The following SH3GL2 variants were observed in gnomAD, a reference collection of about 807,000 sequenced individuals.
The protein encoded by SH3GL2 is endophilin-A1.
In SH3GL2, 24 loss-of-function variants were observed where a neutral mutation model predicts 46.0. The observed-to-expected ratio is 0.52, with a 90% CI of 0.38 to 0.73. The LOEUF is 0.73. Ranked by LOEUF, SH3GL2 falls within the 30% of genes least tolerant of loss-of-function variation. The pLI, the probability that SH3GL2 is intolerant of heterozygous loss-of-function variation, is 0.00. For synonymous variants in SH3GL2, 196 were observed against 147.1 expected (o/e 1.33, Z -2.40); for missense variants, 413 against 424.2 (o/e 0.97, Z 0.23).
At chr9:17,610,833 G>C (rs549295493) in intron 1 of SH3GL2, among the ~76,000 whole-genome samples, 2 of 152,230 alleles carry the variant, frequency 1.3e-5, no homozygotes, top group South Asian at 2.1e-4. Flanking sequence ...CAAAATGAGA[G>C]TTGTCTTATG....
intron 1 of SH3GL2, among the ~76,000 whole-genome samples, chr9:17,738,047 A>G (rs1490788431): frequency 6.6e-6 from 1 of 152,102 alleles, no homozygotes; most frequent in Non-Finnish European, 1.5e-5. Context: ...ATGTATGTAC[A>G]CCATTGTATT....
chr9:17,738,666 A>G lies in SH3GL2; in HGVS notation c.46-8400A>G, dbSNP rs892582971. Among the ~76,000 whole-genome samples, 4 of 148,954 alleles carry G rather than the reference A, an allele frequency of 2.7e-5. No homozygotes were observed. In the East Asian group the frequency reaches 5.9e-4, roughly 22 times the overall value. On this transcript the variant is annotated intron_variant, in intron 1 of 8. Transcript: ENST00000380607. ...TAGAGAGAGAGAGAGAGAGAGAGAG[A>G]GAGAGAGATAATTTTATTTCAAGGA...
At chr9:17,675,012 G>A (rs189109444) in intron 1 of SH3GL2, among the ~76,000 whole-genome samples, 1 of 152,298 alleles carries the variant, frequency 6.6e-6, no homozygotes, top group African/African-American at 2.4e-5. Flanking sequence ...TGTGCATACA[G>A]GGATGGGAGG....
intron 1 of SH3GL2, among the ~76,000 whole-genome samples, chr9:17,593,371 T>C (rs1219428924): frequency 5.9e-5 from 9 of 152,080 alleles, no homozygotes; most frequent in Non-Finnish European, 1.5e-5. Flanking sequence ...CAGAATTGAA[T>C]TGAATTAGAG....
At chr9:17,759,526 C>G (rs1161357299) in intron 2 of SH3GL2, among the ~76,000 whole-genome samples, 2 of 152,154 alleles carry the variant, frequency 1.3e-5, no homozygotes, top group East Asian at 3.9e-4. Context: ...CACACTGGAA[C>G]TAGAACTGGG....
intron 1 of SH3GL2, among the ~76,000 whole-genome samples, chr9:17,653,379 A>G (rs533749802): frequency 1.3e-5 from 2 of 152,182 alleles, no homozygotes; most frequent in South Asian, 2.1e-4. Flanking sequence ...TGAGATTCCT[A>G]ATACTTCTAG....
intron 1 of SH3GL2, among the ~76,000 whole-genome samples, chr9:17,579,709 C>T (rs1206057534): frequency 1.3e-5 from 2 of 152,172 alleles, no homozygotes; most frequent in Non-Finnish European, 2.9e-5. Flanking sequence ...GATGTGTTGG[C>T]ATGAGCGGTG....
intron 1 of SH3GL2, among the ~76,000 whole-genome samples, chr9:17,596,067 C>T (rs1210570208): frequency 2.6e-5 from 4 of 152,048 alleles, no homozygotes; most frequent in Admixed American, 6.6e-5. Flanking sequence ...AACAAGGAAT[C>T]GAATAATTTT....
intron 1 of SH3GL2, among the ~76,000 whole-genome samples, chr9:17,701,851 G>A (rs544168889): frequency 1.3e-5 from 2 of 152,022 alleles, no homozygotes; most frequent in African/African-American, 4.8e-5. Flanking sequence ...TGATTGAAAA[G>A]ACTTAGCATC....
At chr9:17,684,585 C>T (rs1400703034) in intron 1 of SH3GL2, among the ~76,000 whole-genome samples, 1 of 152,100 alleles carries the variant, frequency 6.6e-6, no homozygotes, top group East Asian at 1.9e-4. Context: ...TTTTCCCAAA[C>T]TAATGACACA....
chr9:17,632,034 T>G (rs1019026335), intron 1 of SH3GL2, among the ~76,000 whole-genome samples: 9 of 152,202 alleles, frequency 5.9e-5, no homozygotes, highest in African/African-American at 2.2e-4. Flanking sequence ...CTGGAAAGAT[T>G]TTAAGATAGC....
intron 3 of SH3GL2, among the ~76,000 whole-genome samples, chr9:17,784,381 C>A (rs1823897882): frequency 6.6e-6 from 1 of 152,092 alleles, no homozygotes; most frequent in Non-Finnish European, 1.5e-5. Context: ...GGAATGCATC[C>A]TTAAATGTAA....
At chr9:17,783,266 C>T (rs1823863571) in intron 3 of SH3GL2, among the ~76,000 whole-genome samples, 1 of 151,840 alleles carries the variant, frequency 6.6e-6, no homozygotes, top group Admixed American at 6.6e-5. Context: ...TTAATGGACT[C>T]TGCTGTTTTC....
At chr9:17,599,059 A>T (rs79079824) in intron 1 of SH3GL2, among the ~76,000 whole-genome samples, 2,666 of 152,350 alleles carry the variant, frequency 0.017, 83 homozygotes, top group African/African-American at 0.06. Flanking sequence ...ATCAAAAAAG[A>T]ATAGATTATT....
rs148067338 is a variant in SH3GL2, at chr9:17,674,018, T to G, written c.46-73048T>G. Among the ~76,000 whole-genome samples, 54 of 152,352 alleles carry G rather than the reference T, an allele frequency of 3.5e-4. No individual in the cohort carries two copies. In the East Asian group the frequency reaches 9.3e-3, roughly 26 times the overall value. Reference sequence around the variant, plus strand: ...TGTGTTTTATTTCTCTTTGTTTCCCTCTTTCCTTGTGTGGCTCTTGAAATC... The same window carrying G: ...TGTGTTTTATTTCTCTTTGTTTCCCGCTTTCCTTGTGTGGCTCTTGAAATC... On this transcript the variant is annotated intron_variant, in intron 1 of 8. Coordinates refer to ENST00000380607, the MANE Select transcript of SH3GL2 (RefSeq NM_003026.5).
chr9:17,663,746 A>G (rs878867842), intron 1 of SH3GL2, among the ~76,000 whole-genome samples: 3 of 152,218 alleles, frequency 2.0e-5, no homozygotes, highest in African/African-American at 4.8e-5. Context: ...CAGATCCACA[A>G]TTAAAGTGAA....
chr9:17,586,218 T>C (rs941557108), intron 1 of SH3GL2, among the ~76,000 whole-genome samples: 3 of 152,034 alleles, frequency 2.0e-5, no homozygotes, highest in African/African-American at 7.2e-5. Context: ...TACCCTAATC[T>C]CCCTCCGCCA....
At chr9:17,653,620 G>A (rs763804785) in intron 1 of SH3GL2, among the ~76,000 whole-genome samples, 1 of 152,190 alleles carries the variant, frequency 6.6e-6, no homozygotes, top group Non-Finnish European at 1.5e-5. Context: ...AAGTCCAAGT[G>A]CTGCCAATGT....
chr9:17,755,773 G>T, intron 2 of SH3GL2: 1 of 984,940 alleles, frequency 1.0e-6, no homozygotes, highest in Non-Finnish European at 1.2e-6. Flanking sequence ...ACAACGCCAC[G>T]CTGTTCACGA....
Sources: allele counts gnomAD v4.1 joint callset (sites outside exome capture counted in the v4.1 genomes callset), GRCh38; gene constraint gnomAD v4.1.1; transcripts MANE v1.5; gene names NCBI Gene and HGNC (gene_info 2026-07-23, HGNC 2026-07-21).